Variants in BMP6 observed in about 807,000 individuals in gnomAD.
The protein encoded by BMP6 is VG-1-R.
Under a neutral mutation model 54.1 loss-of-function variants are expected in BMP6, and 17 were observed. The observed-to-expected ratio is 0.31, with a 90% CI of 0.22 to 0.47. The LOEUF is 0.47. Among genes scored for constraint, BMP6 ranks in the 20% least tolerant of loss-of-function variants. The pLI is 1.00. For missense variants in BMP6, 720 were observed against 690.4 expected, an observed-to-expected ratio of 1.04 and a Z score of -0.48; for synonymous variants, 328 against 291.2, an observed-to-expected ratio of 1.13 and a Z score of -1.28.
chr6:7,806,332 C>G (rs192795507), intron 1 of BMP6, among the ~76,000 whole-genome samples: 21 of 152,338 alleles, frequency 1.4e-4, no homozygotes, highest in Admixed American at 3.9e-4. Flanking sequence ...CTATAAGTTA[C>G]ATTCCCTGTG....
At chr6:7,830,056 C>T (rs1758770355) in intron 1 of BMP6, among the ~76,000 whole-genome samples, 3 of 152,204 alleles carry the variant, frequency 2.0e-5, no homozygotes, top group African/African-American at 7.2e-5. Flanking sequence ...CTCTTCATAT[C>T]AGACTCCTGA....
At position 7,790,033 on chromosome 6, in the gene BMP6, C is replaced by A. The variant is rs182298637; in HGVS notation, c.665-55107C>A. Among the ~76,000 whole-genome samples, 21 of 152,308 alleles carry A rather than the reference C, an allele frequency of 1.4e-4. No individual in the cohort carries two copies. In the East Asian group the frequency reaches 3.3e-3, roughly 24 times the overall value. On this transcript the variant is annotated intron_variant, in intron 1 of 6. Coordinates refer to ENST00000283147, the MANE Select transcript of BMP6 (RefSeq NM_001718.6). ...AAGACCTGGGCCTGCTCTGTTGCTC[C>A]TTCTCAGGGTTGCCAGTGCTGCTTG...
intron 1 of BMP6, among the ~76,000 whole-genome samples, chr6:7,802,735 G>C (rs1359679034): frequency 6.6e-6 from 1 of 152,224 alleles, no homozygotes; most frequent in East Asian, 1.9e-4. Flanking sequence ...ACTGAGACTT[G>C]TCCTTTGATT....
chr6:7,810,884 G>A (rs902680680), intron 1 of BMP6, among the ~76,000 whole-genome samples: 8 of 152,142 alleles, frequency 5.3e-5, no homozygotes, highest in Non-Finnish European at 1.0e-4. Context: ...TTAGCTACAC[G>A]ATCCTGTGGG....
At chr6:7,782,053 G>A (rs1326792110) in intron 1 of BMP6, among the ~76,000 whole-genome samples, 2 of 151,326 alleles carry the variant, frequency 1.3e-5, no homozygotes, top group South Asian at 2.1e-4. Flanking sequence ...AAATGGTGGT[G>A]GCTTGAATGG....
At chr6:7,762,384 G>T (rs193149145) in intron 1 of BMP6, among the ~76,000 whole-genome samples, 1 of 152,136 alleles carries the variant, frequency 6.6e-6, no homozygotes. Context: ...GATCTTGAAG[G>T]TTTGCTTTAA....
chr6:7,797,684 A>G (rs1174391022), intron 1 of BMP6, among the ~76,000 whole-genome samples: 2 of 152,096 alleles, frequency 1.3e-5, no homozygotes, highest in East Asian at 1.9e-4. Context: ...TTGGAGTGCA[A>G]ATTGCATGAG....
intron 1 of BMP6, among the ~76,000 whole-genome samples, chr6:7,741,427 C>G (rs981337128): frequency 6.6e-6 from 1 of 151,692 alleles, no homozygotes; most frequent in Non-Finnish European, 1.5e-5. Context: ...TCTTGAGTAG[C>G]TGGACTACTA....
intron 1 of BMP6, among the ~76,000 whole-genome samples, chr6:7,753,838 A>C (rs1019249962): frequency 1.3e-5 from 2 of 152,064 alleles, no homozygotes; most frequent in South Asian, 2.1e-4. Context: ...TCCCCTCGTG[A>C]TTTCTTCTTT....
chr6:7,860,183 C>G (rs1433857216), intron 2 of BMP6, among the ~76,000 whole-genome samples: 1 of 152,146 alleles, frequency 6.6e-6, no homozygotes, highest in Non-Finnish European at 1.5e-5. Flanking sequence ...AAGGTGGAGA[C>G]CGTGACACTC....
chr6:7,778,773 G>A (rs71559187), intron 1 of BMP6, among the ~76,000 whole-genome samples: 3 of 152,140 alleles, frequency 2.0e-5, no homozygotes, highest in East Asian at 1.9e-4. Context: ...AACTGGAATC[G>A]AGTCTGGACA....
chr6:7,808,047 A>C (rs1252947016), intron 1 of BMP6, among the ~76,000 whole-genome samples: 1 of 150,950 alleles, frequency 6.6e-6, no homozygotes, highest in African/African-American at 2.4e-5. Context: ...CAGCCTCCCA[A>C]GTAGCTGGGA....
chr6:7,850,451 TA>T, intron 2 of BMP6, among the ~76,000 whole-genome samples: 1 of 152,204 alleles, frequency 6.6e-6, no homozygotes. Flanking sequence ...CCCTCCTTAC[TA>T]AAACAGGAAG....
intron 4 of BMP6, 96 bp from the exon 5 acceptor site, chr6:7,878,978 G>C: frequency 7.9e-7 from 1 of 1,259,410 alleles, no homozygotes. Context: ...CCTGAGCCTA[G>C]CACAGAGCCT....
intron 1 of BMP6, among the ~76,000 whole-genome samples, chr6:7,797,636 T>C (rs1758210294): frequency 6.6e-6 from 1 of 152,214 alleles, no homozygotes; most frequent in East Asian, 1.9e-4. Context: ...AAGCATACTT[T>C]TGATTTATTT....
intron 1 of BMP6, among the ~76,000 whole-genome samples, chr6:7,804,496 G>T (rs1758317628): frequency 6.6e-6 from 1 of 152,160 alleles, no homozygotes; most frequent in African/African-American, 2.4e-5. Flanking sequence ...ATTGGGACCA[G>T]TCGCCAAAGT....
chr6:7,857,692 C>T (rs1759268985), intron 2 of BMP6, among the ~76,000 whole-genome samples: 1 of 152,206 alleles, frequency 6.6e-6, no homozygotes, highest in Non-Finnish European at 1.5e-5. Context: ...TTCTTCGAGG[C>T]TACACTTTTA....
intron 1 of BMP6, among the ~76,000 whole-genome samples, chr6:7,780,160 A>T (rs575794553): frequency 6.6e-6 from 1 of 152,288 alleles, no homozygotes; most frequent in Admixed American, 6.5e-5. Flanking sequence ...ATGTTCTCGC[A>T]CTTGTGTTGT....
At chr6:7,814,026 G>A (rs750980407) in intron 1 of BMP6, among the ~76,000 whole-genome samples, 1 of 152,194 alleles carries the variant, frequency 6.6e-6, no homozygotes, top group Non-Finnish European at 1.5e-5. Context: ...CTGACTGTCA[G>A]CCAGGGCTGC....
Sources: gnomAD v4.1 joint callset for allele counts (sites outside exome capture counted in the v4.1 genomes callset) on GRCh38, gnomAD v4.1.1 for gene constraint, MANE v1.5 for transcripts, NCBI Gene and HGNC (gene_info 2026-07-23, HGNC 2026-07-21) for gene names.